Variants in NAALADL2 observed in about 807,000 individuals in gnomAD.
NAALADL2 encodes the protein N-acetylated alpha-linked acidic dipeptidase like 2.
NAALADL2 carries 76 observed loss-of-function variants against 87.2 expected under a neutral mutation model. That is an observed-to-expected ratio of 0.87 (90% CI 0.72 to 1.05). The LOEUF (loss-of-function observed/expected upper bound fraction) is 1.05. Among genes scored for constraint, NAALADL2 ranks in the 50% least tolerant of loss-of-function variants. NAALADL2 has a pLI of 0.00. For missense variants in NAALADL2, 1,089 were observed against 945.8 expected (o/e 1.15, Z -1.99); for synonymous variants, 354 against 331.0 (o/e 1.07, Z -0.75).
intron 3 of NAALADL2, among the ~76,000 whole-genome samples, chr3:175,252,892 G>T (rs1312922045): frequency 6.6e-6 from 1 of 152,170 alleles, no homozygotes; most frequent in Non-Finnish European, 1.5e-5. Flanking sequence ...ACTCTTTTCA[G>T]TTGTGTGAAA....
At chr3:175,341,248 T>A (rs536898172) in intron 5 of NAALADL2, among the ~76,000 whole-genome samples, 1 of 152,278 alleles carries the variant, frequency 6.6e-6, no homozygotes, top group South Asian at 2.1e-4. Flanking sequence ...AATGGAATCA[T>A]ACAATGTGTG....
chr3:175,499,243 T>G (rs1270686666), intron 9 of NAALADL2, among the ~76,000 whole-genome samples: 1 of 152,100 alleles, frequency 6.6e-6, no homozygotes, highest in African/African-American at 2.4e-5. Flanking sequence ...TAATTTCCAA[T>G]TTGTTTTACC....
chr3:175,011,272 C>CAGAGAGAGAGAG (rs1408169414), intron 1 of NAALADL2, among the ~76,000 whole-genome samples: 2 of 110,372 alleles, frequency 1.8e-5, no homozygotes, highest in African/African-American at 6.2e-5. Flanking sequence ...GGGAGAGAGA[C>CAGAGAGAGAGAG]AGAGAGACAG....
intron 1 of NAALADL2, among the ~76,000 whole-genome samples, chr3:174,927,676 A>G (rs1736280798): frequency 6.6e-6 from 1 of 152,214 alleles, no homozygotes; most frequent in African/African-American, 2.4e-5. Context: ...CAAAGACACA[A>G]CATACGAGAA....
intron 1 of NAALADL2, among the ~76,000 whole-genome samples, chr3:175,049,746 TC>T (rs1240528920): frequency 6.6e-6 from 1 of 152,088 alleles, no homozygotes; most frequent in Non-Finnish European, 1.5e-5. Flanking sequence ...TCACATAACC[TC>T]CCATAGCTGC....
chr3:175,593,455 C>A (rs1267650004), intron 10 of NAALADL2, among the ~76,000 whole-genome samples: 3 of 152,054 alleles, frequency 2.0e-5, no homozygotes, highest in African/African-American at 7.3e-5. Flanking sequence ...TGGGTTAATG[C>A]CTAATTAACA....
At position 175,198,788 on chromosome 3, in the gene NAALADL2, A is replaced by AT. The variant is rs34254741; in HGVS notation, c.546-35131dup. ...GATTTTTTTTTCATTTTAAGGGCAG[A>AT]TTTTTTTTTTTTCCCAAAAACTCAG... On this transcript the variant is annotated intron_variant, in intron 2 of 13. Transcript: ENST00000454872. Among the ~76,000 whole-genome samples, 135 of 148,182 alleles carry AT rather than the reference A, an allele frequency of 9.1e-4. 1 individual carries two copies. The highest frequency in any genetic ancestry group is 2.3e-3 in the African/African-American group (92 of 40,300).
chr3:175,532,923 G>A (rs1283394446), intron 9 of NAALADL2, among the ~76,000 whole-genome samples: 1 of 152,102 alleles, frequency 6.6e-6, no homozygotes, highest in East Asian at 1.9e-4. Flanking sequence ...CTCCCAGCTG[G>A]GATGAGTAGG....
intron 2 of NAALADL2, among the ~76,000 whole-genome samples, chr3:174,726,815 C>G (rs1578696938): frequency 1.3e-5 from 2 of 152,086 alleles, no homozygotes; most frequent in Non-Finnish European, 2.9e-5. Context: ...GCTGTGTTCA[C>G]GCGTTTCCAC....
intron 1 of NAALADL2, among the ~76,000 whole-genome samples, chr3:174,526,000 A>G (rs1463295322): frequency 1.3e-5 from 2 of 152,218 alleles, no homozygotes; most frequent in Admixed American, 1.3e-4. Context: ...TAGTGGAACT[A>G]GTATCTAAAT....
At chr3:174,693,584 C>T (rs998998166) in intron 2 of NAALADL2, among the ~76,000 whole-genome samples, 2 of 152,086 alleles carry the variant, frequency 1.3e-5, no homozygotes, top group African/African-American at 4.8e-5. Flanking sequence ...TGTAACATAT[C>T]TTTGAATTGC....
At chr3:175,366,670 T>C (rs994922512) in intron 5 of NAALADL2, among the ~76,000 whole-genome samples, 10 of 151,584 alleles carry the variant, frequency 6.6e-5, no homozygotes, top group African/African-American at 1.9e-4. Flanking sequence ...TTGAGAAGTG[T>C]CTGTTCATAT....
At chr3:175,220,829 A>G (rs76922171) in intron 2 of NAALADL2, among the ~76,000 whole-genome samples, 2 of 152,170 alleles carry the variant, frequency 1.3e-5, no homozygotes, top group Admixed American at 6.6e-5. Context: ...GCTTAAGGCA[A>G]TACATTTCTC....
intron 1 of NAALADL2, among the ~76,000 whole-genome samples, chr3:174,526,277 A>G (rs1720738996): frequency 6.6e-6 from 1 of 152,148 alleles, no homozygotes; most frequent in Admixed American, 6.5e-5. Flanking sequence ...ATTTCTGTGT[A>G]AACAGTCATG....
intron 9 of NAALADL2, among the ~76,000 whole-genome samples, chr3:175,489,647 A>C (rs1044487602): frequency 6.6e-6 from 1 of 152,216 alleles, no homozygotes; most frequent in Admixed American, 6.5e-5. Flanking sequence ...GGTAATTCTC[A>C]GTTATTTTCC....
intron 2 of NAALADL2, among the ~76,000 whole-genome samples, chr3:175,230,215 T>A (rs919509363): frequency 1.1e-4 from 17 of 152,116 alleles, no homozygotes; most frequent in Admixed American, 8.5e-4. Flanking sequence ...CTCCTTAAAT[T>A]TTTTAGGAAA....
At chr3:175,099,669 T>G (rs1721781058) in intron 2 of NAALADL2, among the ~76,000 whole-genome samples, 3 of 152,192 alleles carry the variant, frequency 2.0e-5, no homozygotes, top group Admixed American at 6.6e-5. Flanking sequence ...ACTGGCCCAC[T>G]ATTTTGTTCA....
chr3:174,770,615 C>T (rs540937476), intron 3 of NAALADL2, among the ~76,000 whole-genome samples: 26 of 152,052 alleles, frequency 1.7e-4, no homozygotes, highest in Admixed American at 1.0e-3. Context: ...CCGAGGTGGG[C>T]GGATCACGAG....
At chr3:174,873,922 G>T (rs536343169) in intron 1 of NAALADL2, among the ~76,000 whole-genome samples, 1 of 151,710 alleles carries the variant, frequency 6.6e-6, no homozygotes, top group Non-Finnish European at 1.5e-5. Context: ...AAATGAAAAG[G>T]GTATTTCAAG....
Sources: allele counts gnomAD v4.1 joint callset (sites outside exome capture counted in the v4.1 genomes callset), GRCh38; gene constraint gnomAD v4.1.1; transcripts MANE v1.5; gene names NCBI Gene and HGNC (gene_info 2026-07-23, HGNC 2026-07-21).